Variants in DOCK3 observed in about 807,000 individuals in gnomAD.
DOCK3 encodes dedicator of cytokinesis 3, also known as dedicator of cytokinesis protein 3.
In DOCK3, 60 loss-of-function variants were observed where a neutral mutation model predicts 265.6. That is an observed-to-expected ratio of 0.23 (90% CI 0.18 to 0.28). DOCK3 has a LOEUF of 0.28. DOCK3 is among the 10% of genes least tolerant of loss of function. DOCK3 has a pLI of 1.00. For missense variants in DOCK3, 1,981 were observed against 2,594.3 expected (o/e 0.76, Z 5.14); for synonymous variants, 881 against 938.0 (o/e 0.94, Z 1.11).
intron 24 of DOCK3, among the ~76,000 whole-genome samples, chr3:51,272,677 C>T (rs921580254): frequency 6.6e-6 from 1 of 152,034 alleles, no homozygotes; most frequent in Non-Finnish European, 1.5e-5. Context: ...TTTGACTTAG[C>T]TCTGCCAGCG....
chr3:51,310,334 T>C lies in DOCK3; in HGVS notation c.3017+8T>C, dbSNP rs774812876. ...GAGACTGCTCACAAGCAAGTAAGTA[T>C]GGAAGGGCTCTGTATCAGCATCACT... is the stretch of plus-strand genomic sequence containing the variant. On this transcript the variant is annotated splice_region_variant and intron_variant, in intron 28 of 52. Transcript: ENST00000266037. 3 of 1,581,722 alleles carry C rather than the reference T, an allele frequency of 1.9e-6. No individual in the cohort carries two copies. The highest frequency in any genetic ancestry group is 2.6e-6 in the Non-Finnish European group (3 of 1,161,780).
chr3:50,700,880 A>G (rs1211506407), intron 1 of DOCK3, among the ~76,000 whole-genome samples: 1 of 152,202 alleles, frequency 6.6e-6, no homozygotes, highest in African/African-American at 2.4e-5. Flanking sequence ...ACTGTTTTCC[A>G]TAATGGCCAT....
intron 9 of DOCK3, among the ~76,000 whole-genome samples, chr3:51,104,456 C>A (rs1346757942): frequency 2.6e-5 from 4 of 152,098 alleles, no homozygotes; most frequent in African/African-American, 7.2e-5. Flanking sequence ...CTGTAGTAGC[C>A]ATGTTGACAG....
At chr3:51,173,644 A>G (rs2086797702) in intron 12 of DOCK3, among the ~76,000 whole-genome samples, 1 of 152,120 alleles carries the variant, frequency 6.6e-6, no homozygotes, top group Non-Finnish European at 1.5e-5. Flanking sequence ...ATATCATACC[A>G]CTTTCTTGTT....
intron 25 of DOCK3, 87 bp downstream of exon 25, chr3:51,275,293 T>C: frequency 6.3e-7 from 1 of 1,575,218 alleles, no homozygotes; most frequent in Non-Finnish European, 8.6e-7. Context: ...AAAGATCGCT[T>C]TGTACACTTT....
chr3:51,059,839 C>CT (rs749767968), intron 5 of DOCK3, among the ~76,000 whole-genome samples: 1 of 152,184 alleles, frequency 6.6e-6, no homozygotes. Context: ...AAACCCTCCC[C>CT]TTTTTTCCCC....
At position 51,015,318 on chromosome 3, in the gene DOCK3, T is replaced by C. The variant is rs2079109070; in HGVS notation, c.316-49130T>C. Among the ~76,000 whole-genome samples the C allele has an allele frequency of 2.0e-5, 3 of 152,182 alleles. No individual in the cohort carries two copies. In the South Asian group the frequency reaches 6.2e-4, roughly 32 times the overall value. ...TGAAGTATGTTTCTAATGTACCCAG[T>C]TTTTTTAAAGATTTTTATTATGAAG... On this transcript the variant is annotated intron_variant, in intron 5 of 52. Coordinates refer to ENST00000266037, the MANE Select transcript of DOCK3 (RefSeq NM_004947.5).
At chr3:51,275,748 T>TA (rs2108934593) in intron 25 of DOCK3, among the ~76,000 whole-genome samples, 1 of 152,296 alleles carries the variant, frequency 6.6e-6, no homozygotes, top group African/African-American at 2.4e-5. Context: ...TTTCAACTGA[T>TA]ATTGCTTTTA....
Position 51,327,164 on chromosome 3 carries a change from G to A in DOCK3, c.3403-2974G>A, listed in dbSNP as rs185309809. On this transcript the variant is annotated intron_variant, in intron 32 of 52. Coordinates refer to ENST00000266037, the MANE Select transcript of DOCK3 (RefSeq NM_004947.5). ...GCTGTCATACCTGCCTCCTCTGCCA[G>A]ATGATGGGCTCTTAGGGACCAGGAT... 3.3e-4 allele frequency among the ~76,000 whole-genome samples: 50 copies of A among 152,256 alleles called. 1 individual carries two copies. In the East Asian group the frequency reaches 7.5e-3, roughly 23 times the overall value.
chr3:50,934,305 C>A (rs557563992), intron 5 of DOCK3, among the ~76,000 whole-genome samples: 1 of 152,278 alleles, frequency 6.6e-6, no homozygotes, highest in South Asian at 2.1e-4. Context: ...GAATATGTTA[C>A]ATAACACCAG....
At chr3:51,340,840 A>G (rs1175696424) in intron 37 of DOCK3, among the ~76,000 whole-genome samples, 2 of 152,160 alleles carry the variant, frequency 1.3e-5, no homozygotes, top group African/African-American at 4.8e-5. Flanking sequence ...GAGCCCTAAG[A>G]GCCAGTTCTG....
intron 3 of DOCK3, among the ~76,000 whole-genome samples, chr3:50,875,443 T>C (rs1247206336): frequency 6.6e-6 from 1 of 152,196 alleles, no homozygotes; most frequent in Non-Finnish European, 1.5e-5. Flanking sequence ...GGGTTTGTTA[T>C]ATGTGGCCAT....
chr3:51,049,417 G>C (rs1212037071), intron 5 of DOCK3, among the ~76,000 whole-genome samples: 1 of 152,154 alleles, frequency 6.6e-6, no homozygotes, highest in Non-Finnish European at 1.5e-5. Context: ...GAGCAGTTGA[G>C]GGACCTGGAA....
chr3:50,843,603 T>A (rs2045941940), intron 3 of DOCK3, among the ~76,000 whole-genome samples: 1 of 152,206 alleles, frequency 6.6e-6, no homozygotes, highest in South Asian at 2.1e-4. Flanking sequence ...CTGTACAAAA[T>A]GAGGAACCTA....
At chr3:50,955,840 G>T (rs986866119) in intron 5 of DOCK3, among the ~76,000 whole-genome samples, 15 of 151,982 alleles carry the variant, frequency 9.9e-5, no homozygotes, top group African/African-American at 3.6e-4. Flanking sequence ...GAAAACAAAA[G>T]CTAAAAAAAG....
chr3:50,729,562 G>A (rs922722012), intron 1 of DOCK3, among the ~76,000 whole-genome samples: 1 of 151,798 alleles, frequency 6.6e-6, no homozygotes, highest in Non-Finnish European at 1.5e-5. Context: ...TTAAGAGAGG[G>A]TCTCATTCTG....
chr3:50,950,880 G>T (rs971816916), intron 5 of DOCK3, among the ~76,000 whole-genome samples: 2 of 151,956 alleles, frequency 1.3e-5, no homozygotes, highest in Admixed American at 1.3e-4. Context: ...CTTTCATTTT[G>T]ATGTTAGCCA....
chr3:51,157,796 C>CTTTT (rs11404204), intron 10 of DOCK3, among the ~76,000 whole-genome samples: 17 of 129,658 alleles, frequency 1.3e-4, no homozygotes, highest in East Asian at 2.5e-4. Context: ...TTGATTGTAC[C>CTTTT]TTTTTTTTTT....
intron 4 of DOCK3, among the ~76,000 whole-genome samples, chr3:50,892,921 A>G (rs748081608): frequency 2.6e-5 from 4 of 152,088 alleles, no homozygotes; most frequent in Non-Finnish European, 5.9e-5. Flanking sequence ...AGAATGAAGC[A>G]TACATCCTGG....
Sources: allele counts gnomAD v4.1 joint callset (sites outside exome capture counted in the v4.1 genomes callset), GRCh38; gene constraint gnomAD v4.1.1; transcripts MANE v1.5; gene names NCBI Gene and HGNC (gene_info 2026-07-23, HGNC 2026-07-21).